ADAMTS3: variants seen among roughly 807,000 people sequenced by gnomAD.
ADAMTS3 encodes the protein A disintegrin and metalloproteinase with thrombospondin motifs 3.
A neutral mutation model predicts 129.0 loss-of-function variants in ADAMTS3; 73 were observed. The ratio of observed to expected loss-of-function variants is 0.57; its 90% CI spans 0.47 to 0.69. The LOEUF (loss-of-function observed/expected upper bound fraction) is 0.69. Among genes scored for constraint, ADAMTS3 ranks in the 30% least tolerant of loss-of-function variants. The pLI is 0.00. For synonymous variants in ADAMTS3, 477 were observed against 510.8 expected, an observed-to-expected ratio of 0.93 and a Z score of 0.89; for missense variants, 1,457 against 1,514.5, an observed-to-expected ratio of 0.96 and a Z score of 0.63.
intron 4 of ADAMTS3, among the ~76,000 whole-genome samples, chr4:72,407,456 C>T (rs775880945): frequency 1.3e-5 from 2 of 152,032 alleles, no homozygotes; most frequent in Admixed American, 6.6e-5. Flanking sequence ...TGGAATAAAA[C>T]CTGACGAAAC....
intron 21 of ADAMTS3, among the ~76,000 whole-genome samples, chr4:72,284,444 C>CAA (rs11292771): frequency 8.1e-6 from 1 of 123,534 alleles, no homozygotes; most frequent in Non-Finnish European, 1.7e-5. Flanking sequence ...GACTCTGTCT[C>CAA]AAAAAAAAAA....
chr4:72,559,873 C>A (rs7657527), intron 2 of ADAMTS3, among the ~76,000 whole-genome samples: 146,166 of 151,720 alleles, frequency 0.96, 70,808 homozygotes, highest in East Asian at 1. Flanking sequence ...CAAAAAAGAG[C>A]TCATATAGCC....
chr4:72,500,438 T>A lies in ADAMTS3; in HGVS notation c.504+48040A>T, dbSNP rs150753732. Among the ~76,000 whole-genome samples, 876 of 152,292 alleles carry A rather than the reference T, an allele frequency of 5.8e-3. 2 individuals are homozygous for A. The highest frequency in any genetic ancestry group is 0.02 in the African/African-American group (831 of 41,572). ...TCTTTTGGAGAAGTGTCTGTTCATGTTCTTTGCCCATTTTTAAGTGGAGTT... is the reference window on the plus strand; with the variant it reads ...TCTTTTGGAGAAGTGTCTGTTCATGATCTTTGCCCATTTTTAAGTGGAGTT... On this transcript the variant is annotated intron_variant, in intron 3 of 21. Coordinates refer to ENST00000286657, the MANE Select transcript of ADAMTS3 (RefSeq NM_014243.3).
intron 3 of ADAMTS3, chr4:72,441,821 A>G (rs1718124166): frequency 6.7e-6 from 1 of 149,756 alleles, no homozygotes; most frequent in Admixed American, 6.6e-5. Context: ...GTGCTCTCCA[A>G]CAATATTAAC....
At chr4:72,414,106 T>C (rs1166788198) in intron 4 of ADAMTS3, among the ~76,000 whole-genome samples, 1 of 151,808 alleles carries the variant, frequency 6.6e-6, no homozygotes, top group Admixed American at 6.6e-5. Flanking sequence ...TTGGCAAATG[T>C]AAAGACTTCT....
rs554863825 is a variant in ADAMTS3 at position 72,559,905 on chromosome 4, A to G, written c.97+7469T>C. On this transcript the variant is annotated intron_variant, in intron 2 of 21. Transcript: ENST00000286657. ...AGCCAAGACAGTCCTAAACAAAAAG[A>G]ACAAAGCTGGAGGCATCAAACTACC... Among the ~76,000 whole-genome samples, 7 of 151,952 alleles carry G rather than the reference A, an allele frequency of 4.6e-5. No homozygotes were observed. The South Asian group carries it at 1.4e-3, about 31-fold the overall frequency.
At chr4:72,299,053 CTGTGTGTGTGTGTGTGTGTGTGTG>C (rs60439058) in intron 17 of ADAMTS3, among the ~76,000 whole-genome samples, 1 of 138,146 alleles carries the variant, frequency 7.2e-6, no homozygotes, top group Non-Finnish European at 1.6e-5. Flanking sequence ...TATTTGCATT[CTGTGTGTGTGTGTGTGTGTGTGTG>C]TGTGTGTGTG....
intron 3 of ADAMTS3, among the ~76,000 whole-genome samples, chr4:72,461,615 T>G (rs1431279106): frequency 6.6e-6 from 1 of 151,892 alleles, no homozygotes; most frequent in Non-Finnish European, 1.5e-5. Context: ...AAATGTATTC[T>G]TGTGGACCGA....
intron 17 of ADAMTS3, among the ~76,000 whole-genome samples, chr4:72,301,896 TG>T (rs1278697761): frequency 6.6e-6 from 1 of 151,940 alleles, no homozygotes; most frequent in Non-Finnish European, 1.5e-5. Context: ...GAAATCTACA[TG>T]GGTCCATGAC....
chr4:72,486,141 G>C (rs553480340), intron 3 of ADAMTS3, among the ~76,000 whole-genome samples: 1 of 152,260 alleles, frequency 6.6e-6, no homozygotes, highest in South Asian at 2.1e-4. Flanking sequence ...TGTTATCTTA[G>C]TTAAACCAGA....
chr4:72,450,461 A>G (rs1435467767), intron 3 of ADAMTS3, among the ~76,000 whole-genome samples: 1 of 151,666 alleles, frequency 6.6e-6, no homozygotes, highest in East Asian at 2.0e-4. Context: ...ACAAAAACCT[A>G]TGTTTAATCC....
chr4:72,297,875 T>A (rs549536322), intron 18 of ADAMTS3, among the ~76,000 whole-genome samples: 2 of 152,126 alleles, frequency 1.3e-5, no homozygotes, highest in African/African-American at 4.8e-5. Flanking sequence ...TACACAGTCA[T>A]GTAACCAATA....
chr4:72,382,581 C>T (rs1721322277), intron 4 of ADAMTS3, among the ~76,000 whole-genome samples: 1 of 152,134 alleles, frequency 6.6e-6, no homozygotes, highest in African/African-American at 2.4e-5. Flanking sequence ...ATACCTAAAC[C>T]TGTACGTTTA....
chr4:72,565,724 C>A (rs1008664531), intron 2 of ADAMTS3, among the ~76,000 whole-genome samples: 3 of 152,194 alleles, frequency 2.0e-5, no homozygotes, highest in Non-Finnish European at 4.4e-5. Context: ...ACTGACTTAT[C>A]TCTCCTCTGC....
At chr4:72,481,103 A>T (rs974552530) in intron 3 of ADAMTS3, among the ~76,000 whole-genome samples, 2 of 152,156 alleles carry the variant, frequency 1.3e-5, no homozygotes, top group Non-Finnish European at 2.9e-5. Flanking sequence ...TGAAACACTC[A>T]AGATAGTAAA....
intron 3 of ADAMTS3, among the ~76,000 whole-genome samples, chr4:72,448,954 T>C (rs1045075785): frequency 6.6e-6 from 1 of 151,776 alleles, no homozygotes; most frequent in Non-Finnish European, 1.5e-5. Context: ...AATCCTGTAT[T>C]ATTTTTCTTT....
At chr4:72,483,945 G>C (rs1719510197) in intron 3 of ADAMTS3, among the ~76,000 whole-genome samples, 1 of 152,078 alleles carries the variant, frequency 6.6e-6, no homozygotes, top group South Asian at 2.1e-4. Flanking sequence ...GTGAACCCAG[G>C]AGGCGGAACT....
chr4:72,530,036 A>AATATATTATATTATATATAATATGTT (rs1720948284), intron 3 of ADAMTS3, among the ~76,000 whole-genome samples: 1 of 7,728 alleles, frequency 1.3e-4, no homozygotes, highest in African/African-American at 3.8e-4. Context: ...ATATAAATAT[A>AATATATTATATTATATATAATATGTT]ATATATTATA....
intron 3 of ADAMTS3, among the ~76,000 whole-genome samples, chr4:72,454,125 G>A (rs1718480966): frequency 6.6e-6 from 1 of 151,204 alleles, no homozygotes; most frequent in South Asian, 2.1e-4. Context: ...GATGAAATAA[G>A]TTAAATTCTA....
Sources: gnomAD v4.1 joint callset for allele counts (sites outside exome capture counted in the v4.1 genomes callset) on GRCh38, gnomAD v4.1.1 for gene constraint, MANE v1.5 for transcripts, NCBI Gene and HGNC (gene_info 2026-07-23, HGNC 2026-07-21) for gene names.